The following DUSP22 variants were observed in gnomAD, a reference collection of about 807,000 sequenced individuals.
The protein encoded by DUSP22 is dual specificity protein phosphatase 22.
In DUSP22, 24 loss-of-function variants were observed where a neutral mutation model predicts 24.5. That is an observed-to-expected ratio of 0.98 (90% CI 0.71 to 1.38). DUSP22 has a LOEUF of 1.38. DUSP22 is among the 40% of genes most tolerant of loss of function. The pLI is 0.00. For synonymous variants in DUSP22, 160 were observed against 106.4 expected (o/e 1.50, Z -3.10); for missense variants, 330 against 269.2 (o/e 1.23, Z -1.58).
chr6:342,296 G>C (rs1759645109), intron 4 of DUSP22, among the ~76,000 whole-genome samples: 1 of 152,308 alleles, frequency 6.6e-6, no homozygotes, highest in South Asian at 2.1e-4. Flanking sequence ...TTTCTGACCA[G>C]AAAGAGACCC....
At chr6:327,300 A>G (rs1758925548) in intron 3 of DUSP22, among the ~76,000 whole-genome samples, 1 of 152,304 alleles carries the variant, frequency 6.6e-6, no homozygotes, top group African/African-American at 2.4e-5. Flanking sequence ...TGCACTCACC[A>G]CGTCCAGCAG....
intron 1 of DUSP22, among the ~76,000 whole-genome samples, chr6:303,821 G>A (rs965194414): frequency 2.0e-5 from 3 of 152,422 alleles, no homozygotes; most frequent in South Asian, 2.1e-4. Context: ...TCTCATTGCC[G>A]ACCTGCTAAA....
intron 2 of DUSP22, among the ~76,000 whole-genome samples, chr6:308,537 G>A (rs958528845): frequency 3.0e-4 from 46 of 152,394 alleles, no homozygotes; most frequent in Non-Finnish European, 5.7e-4. Flanking sequence ...TGCTGGCCCC[G>A]GAGTGCTTCC....
At chr6:296,951 C>G (rs1757362845) in intron 1 of DUSP22, among the ~76,000 whole-genome samples, 1 of 152,306 alleles carries the variant, frequency 6.6e-6, no homozygotes, top group South Asian at 2.1e-4. Flanking sequence ...AGCACCCTGC[C>G]TGGTGGGAAT....
At chr6:298,229 T>C (rs1757429402) in intron 1 of DUSP22, among the ~76,000 whole-genome samples, 1 of 152,306 alleles carries the variant, frequency 6.6e-6, no homozygotes, top group South Asian at 2.1e-4. Context: ...ATTCTTCCCT[T>C]TTTATATGCA....
At chr6:343,023 C>T (rs371732080) in intron 4 of DUSP22, among the ~76,000 whole-genome samples, 55 of 150,136 alleles carry the variant, frequency 3.7e-4, no homozygotes, top group African/African-American at 1.2e-3. Context: ...CAACAAGGCT[C>T]CCTTCGTGCC....
Position 349,235 on chromosome 6 carries a change from G to A in DUSP22, c.*284G>A. The A allele has an allele frequency of 3.7e-6, 5 of 1,369,508 alleles. No individual in the cohort carries two copies. Among genetic ancestry groups the A allele is most frequent in the Non-Finnish European group, 4.7e-6 (5 of 1,059,634 alleles). The allele number at this position is 1,369,508 out of a possible 1,614,324, so 84.8% of individuals were successfully genotyped here. A position where few individuals can be genotyped will look rare whatever the true frequency, so the allele number is the denominator to read the frequency against. ...TGTGTGTGAGTGCACTTGTGTGTGG[G>A]TGACTAAGTGGATGCATGTGTGTGC... On this transcript the variant is annotated 3_prime_UTR_variant, in exon 7 of 7. Coordinates refer to ENST00000419235, the MANE Select transcript of DUSP22 (RefSeq NM_001286555.3).
At position 350,490 on chromosome 6, in the gene DUSP22, T is replaced by C; in HGVS notation, c.*1539T>C. The C allele has an allele frequency of 8.3e-7, 1 of 1,207,432 alleles. No homozygotes were observed. The highest frequency in any genetic ancestry group is 1.0e-6 in the Non-Finnish European group (1 of 967,592). 74.8% of individuals were successfully genotyped at this position (1,207,432 alleles called of 1,614,324 possible). On this transcript the variant is annotated 3_prime_UTR_variant, in exon 7 of 7. Coordinates refer to ENST00000419235, the MANE Select transcript of DUSP22 (RefSeq NM_001286555.3). ...AGAGACCCTGAATAAGAAGAGCAGT[T>C]TTCCTGTGCATATAGAGGGTGTGTC...
At chr6:311,336 G>C in intron 2 of DUSP22, among the ~76,000 whole-genome samples, 1 of 152,422 alleles carries the variant, frequency 6.6e-6, no homozygotes, top group African/African-American at 2.4e-5. Flanking sequence ...CTTCCTCATA[G>C]AAAGTTTTTT....
chr6:319,076 T>A (rs936641400), intron 3 of DUSP22, among the ~76,000 whole-genome samples: 17 of 152,378 alleles, frequency 1.1e-4, no homozygotes, highest in African/African-American at 3.6e-4. Flanking sequence ...ACTGGTGATT[T>A]CCTAGAGAAC....
chr6:350,998 A>G lies in DUSP22; in HGVS notation c.*2047A>G, dbSNP rs1315315291. 1.1e-5 allele frequency: 14 copies of G among 1,283,976 alleles called. No individual in the cohort carries two copies. The South Asian group carries it at 1.6e-4, about 15-fold the overall frequency. 79.5% of individuals were successfully genotyped at this position (1,283,976 alleles called of 1,614,324 possible). ...TTGTTTTTCATTTGAAGCTGAATAT[A>G]TACGTAGTCATGTTTATGTTGAGAA... On this transcript the variant is annotated 3_prime_UTR_variant, in exon 7 of 7. Coordinates refer to ENST00000419235, the MANE Select transcript of DUSP22 (RefSeq NM_001286555.3).
chr6:340,333 CT>C (rs1406844033), intron 4 of DUSP22, among the ~76,000 whole-genome samples: 1 of 152,308 alleles, frequency 6.6e-6, no homozygotes, highest in Non-Finnish European at 1.5e-5. Context: ...ATTCTTCCCA[CT>C]TACCTCTGGG....
intron 4 of DUSP22, among the ~76,000 whole-genome samples, chr6:336,760 C>T (rs1410515222): frequency 6.6e-6 from 1 of 152,418 alleles, no homozygotes; most frequent in Admixed American, 6.5e-5. Flanking sequence ...CAGAGTAGCA[C>T]TCTAGGCCTG....
At chr6:331,604 A>G (rs1581178070) in intron 3 of DUSP22, among the ~76,000 whole-genome samples, 1 of 152,304 alleles carries the variant, frequency 6.6e-6, no homozygotes, top group Non-Finnish European at 1.5e-5. Context: ...CTTATTCATT[A>G]GTACTAGGAT....
At position 348,103 on chromosome 6, in the gene DUSP22, C is replaced by G; in HGVS notation, c.264C>G (p.Cys88Trp). 6.2e-7 allele frequency: 1 copy of G among 1,614,136 alleles called. No individual in the cohort carries two copies. Among genetic ancestry groups the G allele is most frequent in the Non-Finnish European group, 8.5e-7 (1 of 1,179,962 alleles). Residue 88 changes from cysteine (C) to tryptophan (W), a missense_variant and splice_region_variant, in exon 6 of 7, where the codon TGC becomes TGG. Cys to Trp is a radical substitution (Grantham distance 215, BLOSUM62 -2). Transcript: ENST00000419235. ...ACATGTGCTTCTCTTGGCCCCGCAGCCTGGCCGGGGTCTCCAGGAGCGTGA... is the reference window on the plus strand; with the variant it reads ...ACATGTGCTTCTCTTGGCCCCGCAGGCTGGCCGGGGTCTCCAGGAGCGTGA... Reference protein sequence around the residue: ...RLRGESCLVHCLAGVSRSVTL... With the variant: ...RLRGESCLVHWLAGVSRSVTL...
chr6:321,938 C>T (rs1399122180), intron 3 of DUSP22, among the ~76,000 whole-genome samples: 1 of 152,310 alleles, frequency 6.6e-6, no homozygotes, highest in Non-Finnish European at 1.5e-5. Flanking sequence ...AGGGACCAAG[C>T]TCAGTCATGG....
chr6:303,815 A>T (rs1264911598), intron 1 of DUSP22, among the ~76,000 whole-genome samples: 1 of 152,306 alleles, frequency 6.6e-6, no homozygotes, highest in Non-Finnish European at 1.5e-5. Context: ...CCAATTTCTC[A>T]TTGCCGACCT....
chr6:341,150 G>A (rs767852390), intron 4 of DUSP22, among the ~76,000 whole-genome samples: 24 of 152,420 alleles, frequency 1.6e-4, no homozygotes, highest in Non-Finnish European at 2.6e-4. Context: ...TGATAGCCCC[G>A]GGCGCTGTTT....
chr6:335,481 A>G (rs1393987123), intron 4 of DUSP22, among the ~76,000 whole-genome samples: 1 of 152,308 alleles, frequency 6.6e-6, no homozygotes, highest in Non-Finnish European at 1.5e-5. Flanking sequence ...AAAACCGTGA[A>G]GGATTTGTTG....
Sources: gnomAD v4.1 joint callset for allele counts (sites outside exome capture counted in the v4.1 genomes callset) on GRCh38, gnomAD v4.1.1 for gene constraint, MANE v1.5 for transcripts, NCBI Gene and HGNC (gene_info 2026-07-23, HGNC 2026-07-21) for gene names.